TMEM68: variants seen among roughly 807,000 people sequenced by gnomAD.
The protein encoded by TMEM68 is transmembrane protein 68.
A neutral mutation model predicts 36.9 loss-of-function variants in TMEM68; 25 were observed. The observed-to-expected ratio is 0.68, with a 90% CI of 0.49 to 0.95. TMEM68 has a LOEUF of 0.95. TMEM68 is among the 40% of genes least tolerant of loss of function. The probability of loss-of-function intolerance (pLI) is 0.00; values close to 1 mark genes in which losing one functional copy is unlikely to be tolerated. For missense variants in TMEM68, 333 were observed against 392.0 expected (o/e 0.85, Z 1.27); for synonymous variants, 131 against 124.4 (o/e 1.05, Z -0.35).
chr8:55,759,373 C>G (rs566862217), intron 3 of TMEM68, among the ~76,000 whole-genome samples: 43 of 151,842 alleles, frequency 2.8e-4, no homozygotes, highest in African/African-American at 1.0e-3. Flanking sequence ...GAGTTCAAGA[C>G]CAGCCTGGCC....
At chr8:55,755,507 G>A (rs1810575689) in intron 4 of TMEM68, among the ~76,000 whole-genome samples, 1 of 151,822 alleles carries the variant, frequency 6.6e-6, no homozygotes, top group East Asian at 1.9e-4. Flanking sequence ...CCTGACCTCA[G>A]GTGATTTGCC....
chr8:55,755,283 T>C (rs2129972986), intron 4 of TMEM68, among the ~76,000 whole-genome samples: 1 of 151,978 alleles, frequency 6.6e-6, no homozygotes, highest in East Asian at 1.9e-4. Context: ...TTTTTTTTTT[T>C]TGAGACGGAG....
Position 55,762,736 on chromosome 8 carries a change from TTATAAATGTG to T in TMEM68, c.214_223del (p.His72ArgfsTer6). 1 of 1,613,886 alleles carries T rather than the reference TTATAAATGTG, an allele frequency of 6.2e-7. No homozygotes were observed. Among genetic ancestry groups the T allele is most frequent in the Non-Finnish European group, 8.5e-7 (1 of 1,179,910 alleles). On this transcript the variant is annotated frameshift_variant, in exon 3 of 8. Transcript: ENST00000434581. LOFTEE classifies it high-confidence loss of function. ...GGCTTCTTTCAATACATTCTTTCTC[TTATAAATGTG>T]TAAGAAAATAATAGTAAGGTAGAGA...
intron 2 of TMEM68, 74 bp from the exon 3 acceptor site, chr8:55,763,102 C>T (rs2130012013): frequency 2.4e-6 from 2 of 816,788 alleles, no homozygotes. Context: ...ACTTAAATAG[C>T]ATATAGAGTC....
intron 4 of TMEM68, among the ~76,000 whole-genome samples, chr8:55,753,299 A>G (rs1324120130): frequency 6.6e-6 from 1 of 152,178 alleles, no homozygotes; most frequent in Non-Finnish European, 1.5e-5. Context: ...TTTTCTTATA[A>G]AACATGGTAA....
chr8:55,754,423 A>G (rs1387161134), intron 4 of TMEM68, among the ~76,000 whole-genome samples: 14 of 141,776 alleles, frequency 9.9e-5, no homozygotes, highest in African/African-American at 3.7e-4. Context: ...AGCCCAGGTG[A>G]CAGAGCAAGA....
intron 5 of TMEM68, chr8:55,747,173 G>A (rs1306339017): frequency 6.6e-6 from 1 of 152,156 alleles, no homozygotes; most frequent in African/African-American, 2.4e-5. Context: ...AGACCAGCCT[G>A]GCCAACATGG....
intron 4 of TMEM68, among the ~76,000 whole-genome samples, chr8:55,752,792 G>A (rs1810460688): frequency 6.9e-6 from 1 of 143,960 alleles, no homozygotes; most frequent in Non-Finnish European, 1.5e-5. Flanking sequence ...GGGCACAATA[G>A]TAGCTCACTA....
chr8:55,749,162 T>C (rs1031072629), intron 5 of TMEM68, among the ~76,000 whole-genome samples: 2 of 152,258 alleles, frequency 1.3e-5, no homozygotes, highest in Non-Finnish European at 2.9e-5. Context: ...CCTCAACTTA[T>C]GTAGACATGA....
intron 3 of TMEM68, among the ~76,000 whole-genome samples, chr8:55,757,924 C>A (rs1810655504): frequency 6.6e-6 from 1 of 152,142 alleles, no homozygotes; most frequent in Non-Finnish European, 1.5e-5. Flanking sequence ...CCCAGGAATA[C>A]AGAGCCCCAT....
intron 1 of TMEM68, among the ~76,000 whole-genome samples, chr8:55,768,368 T>A (rs1363382813): frequency 6.6e-6 from 1 of 152,120 alleles, no homozygotes; most frequent in Non-Finnish European, 1.5e-5. Context: ...CAGGTGGGTA[T>A]CTAGAAGGGA....
chr8:55,753,502 A>C (rs1226989118), intron 4 of TMEM68, among the ~76,000 whole-genome samples: 1 of 152,254 alleles, frequency 6.6e-6, no homozygotes, highest in East Asian at 1.9e-4. Flanking sequence ...AACAGAAAAC[A>C]TAGCCATAAA....
At chr8:55,764,555 A>G (rs2130019670) in intron 1 of TMEM68, among the ~76,000 whole-genome samples, 1 of 152,320 alleles carries the variant, frequency 6.6e-6, no homozygotes, top group South Asian at 2.1e-4. Context: ...TATAAGAAAA[A>G]TGTATTGTTT....
intron 3 of TMEM68, among the ~76,000 whole-genome samples, chr8:55,759,472 C>T (rs557008556): frequency 6.6e-6 from 1 of 151,770 alleles, no homozygotes; most frequent in South Asian, 2.1e-4. Flanking sequence ...TCGGGCGGCT[C>T]AGGCAGGAGA....
intron 3 of TMEM68, among the ~76,000 whole-genome samples, chr8:55,758,623 T>C (rs1366415351): frequency 6.6e-6 from 1 of 151,990 alleles, no homozygotes; most frequent in Non-Finnish European, 1.5e-5. Flanking sequence ...CTGGGCAACA[T>C]GGCAAGACCC....
chr8:55,754,549 TAATA>T (rs1421707778), intron 4 of TMEM68, among the ~76,000 whole-genome samples: 1 of 138,918 alleles, frequency 7.2e-6, no homozygotes, highest in Non-Finnish European at 1.5e-5. Flanking sequence ...ATTATATATA[TAATA>T]CATACATATT....
intron 4 of TMEM68, among the ~76,000 whole-genome samples, chr8:55,755,360 G>A (rs1049807429): frequency 4.0e-5 from 6 of 150,990 alleles, no homozygotes; most frequent in Admixed American, 2.6e-4. Context: ...TCTGCCTTCC[G>A]GGTTCAAGTG....
At chr8:55,769,720 C>T (rs1189476645) in intron 1 of TMEM68, among the ~76,000 whole-genome samples, 2 of 152,066 alleles carry the variant, frequency 1.3e-5, no homozygotes, top group Non-Finnish European at 2.9e-5. Context: ...GCAACCTCCA[C>T]CTCCCAGGCT....
intron 1 of TMEM68, among the ~76,000 whole-genome samples, chr8:55,769,982 T>C (rs1298754100): frequency 6.6e-6 from 1 of 152,174 alleles, no homozygotes; most frequent in African/African-American, 2.4e-5. Context: ...TCCTAAAACC[T>C]GCTACTAGAG....
Sources: gnomAD v4.1 joint callset for allele counts (sites outside exome capture counted in the v4.1 genomes callset) on GRCh38, gnomAD v4.1.1 for gene constraint, MANE v1.5 for transcripts, NCBI Gene and HGNC (gene_info 2026-07-23, HGNC 2026-07-21) for gene names.